GDA: variants seen among roughly 807,000 people sequenced by gnomAD.
GDA encodes guanine deaminase, also known as cytoplasmic PSD-95 interactor.
A neutral mutation model predicts 59.6 loss-of-function variants in GDA; 18 were observed. That is an observed-to-expected ratio of 0.30 (90% CI 0.21 to 0.45). The LOEUF (loss-of-function observed/expected upper bound fraction) is 0.45. GDA is among the 20% of genes least tolerant of loss of function. GDA has a pLI of 1.00. For synonymous variants in GDA, 201 were observed against 201.1 expected (o/e 1.00, Z 0.00); for missense variants, 427 against 552.3 (o/e 0.77, Z 2.27).
In GDA at chr9:72,200,084, G is replaced by A. The variant is rs552163723; in HGVS notation, c.213-2487G>A. 6.4e-5 allele frequency among the ~76,000 whole-genome samples: 9 copies of A among 140,438 alleles called. No individual in the cohort carries two copies. In the East Asian group the frequency reaches 1.1e-3, roughly 17 times the overall value. The allele number at this position is 140,438 out of a possible 152,430, so 92.1% of individuals were successfully genotyped here. On this transcript the variant is annotated intron_variant, in intron 2 of 13. Coordinates refer to ENST00000358399, the MANE Select transcript of GDA (RefSeq NM_004293.5). ...ATGATCTCTGCTCACCTCAAGCTCC[G>A]CCTCCCGTGTTCACGCCATTCTCCT...
chr9:72,193,075 T>C (rs1832746372), intron 1 of GDA, among the ~76,000 whole-genome samples: 1 of 152,244 alleles, frequency 6.6e-6, no homozygotes, highest in South Asian at 2.1e-4. Flanking sequence ...ACAAGTATTT[T>C]AAAGTCTCTT....
At chr9:72,220,578 A>G (rs530746639) in intron 6 of GDA, among the ~76,000 whole-genome samples, 67 of 152,226 alleles carry the variant, frequency 4.4e-4, no homozygotes, top group African/African-American at 1.6e-3. Context: ...GTCTCAGGGT[A>G]GGTTTTTCTT....
rs1834151230 is a variant in GDA, at chr9:72,202,691, A to G, written c.333A>G (p.Glu111=). ...EWLTKYTFPA[E]HRFQNIDFAE... is the part of the protein sequence containing the mutation. ...TGACCAAGTACACATTTCCTGCAGA[A>G]CACAGATTCCAGAACATCGACTTTG... Residue 111 remains glutamate (E), a synonymous_variant, in exon 3 of 14, where the codon GAA becomes GAG. Coordinates refer to ENST00000358399, the MANE Select transcript of GDA (RefSeq NM_004293.5). The G allele has an allele frequency of 1.9e-6, 3 of 1,613,928 alleles. No homozygotes were observed. The East Asian group carries it at 6.7e-5, about 36-fold the overall frequency.
At chr9:72,184,248 C>T (rs940247251) in intron 1 of GDA, among the ~76,000 whole-genome samples, 5 of 152,144 alleles carry the variant, frequency 3.3e-5, no homozygotes, top group South Asian at 2.1e-4. Context: ...TACTAGGGCT[C>T]ACTCTTGGAT....
intron 10 of GDA, among the ~76,000 whole-genome samples, chr9:72,234,219 G>T (rs1233074292): frequency 6.6e-6 from 1 of 152,072 alleles, no homozygotes. Flanking sequence ...AACTGATATT[G>T]GTAGAAATCA....
chr9:72,142,440 G>A (rs1826472622), intron 1 of GDA, among the ~76,000 whole-genome samples: 1 of 151,904 alleles, frequency 6.6e-6, no homozygotes, highest in Non-Finnish European at 1.5e-5. Flanking sequence ...AGGTGTGGTG[G>A]TGGGAACCTG....
intron 2 of GDA, among the ~76,000 whole-genome samples, chr9:72,197,892 A>C (rs1833392560): frequency 6.6e-6 from 1 of 152,096 alleles, no homozygotes; most frequent in Admixed American, 6.6e-5. Context: ...GATTTTTAGA[A>C]AAGGGAAATC....
downstream of GDA, among the ~76,000 whole-genome samples, chr9:72,252,826 C>G (rs1284620225): frequency 6.6e-6 from 1 of 152,062 alleles, no homozygotes; most frequent in East Asian, 1.9e-4. Context: ...ATTTCTAACT[C>G]TGTGATATGG....
In GDA at chr9:72,213,982, A is replaced by C. The variant is rs139088198; in HGVS notation, c.569A>C (p.Glu190Ala). ...GAGACCACTGAGGAATCGATCAAGGAAACTGAGAGGTAAAAGGCCCATTTG... is the reference window on the plus strand; with the variant it reads ...GAGACCACTGAGGAATCGATCAAGGCAACTGAGAGGTAAAAGGCCCATTTG... ...YKETTEESIK[E>A]TERFVSEMLQ... is the part of the protein sequence containing the mutation. Residue 190 changes from glutamate (E) to alanine (A), a missense_variant, in exon 5 of 14, where the codon GAA becomes GCA. Coordinates refer to ENST00000358399, the MANE Select transcript of GDA (RefSeq NM_004293.5). 7.7e-6 allele frequency: 12 copies of C among 1,562,000 alleles called. No homozygotes were observed. The African/African-American group carries it at 1.4e-4, about 18-fold the overall frequency.
rs141265590 is a variant in GDA at position 72,121,334 on chromosome 9, A to G, written c.-100+6501A>G. Among the ~76,000 whole-genome samples, 65 of 152,288 alleles carry G rather than the reference A, an allele frequency of 4.3e-4. 2 individuals carry two copies. The highest frequency in any genetic ancestry group is 1.4e-3 in the African/African-American group (58 of 41,564). On this transcript the variant is annotated intron_variant, in intron 1 of 13. Coordinates refer to the GDA transcript ENST00000545168. The stretch of plus-strand genomic sequence containing the variant: ...CTATCTTGGCTGGGCGCAGTGGCTC[A>G]CACCTGTAGTCCCAGCACTTTGGGA...
At chr9:72,226,941 C>T (rs1233799166) in intron 8 of GDA, among the ~76,000 whole-genome samples, 2 of 152,060 alleles carry the variant, frequency 1.3e-5, no homozygotes, top group Non-Finnish European at 2.9e-5. Context: ...CACGGTGAAA[C>T]CCCGTCTCTA....
intron 1 of GDA, among the ~76,000 whole-genome samples, chr9:72,164,981 C>A (rs1265836503): frequency 7.3e-5 from 10 of 136,230 alleles, no homozygotes; most frequent in African/African-American, 2.8e-4. Context: ...CAGAGCAAGA[C>A]TCCATCTCAA....
chr9:72,168,076 A>C (rs1225057281), intron 1 of GDA, among the ~76,000 whole-genome samples: 3 of 152,142 alleles, frequency 2.0e-5, no homozygotes, highest in Non-Finnish European at 4.4e-5. Flanking sequence ...GGAATGGCTA[A>C]ATAAGGAAAT....
At chr9:72,239,185 TA>T (rs1013439180) in intron 10 of GDA, among the ~76,000 whole-genome samples, 2 of 152,218 alleles carry the variant, frequency 1.3e-5, no homozygotes, top group Admixed American at 6.5e-5. Context: ...TGACTCTTAC[TA>T]AATACCATGA....
intron 1 of GDA, among the ~76,000 whole-genome samples, chr9:72,132,948 T>G (rs1203027038): frequency 6.6e-6 from 1 of 152,148 alleles, no homozygotes; most frequent in Admixed American, 6.6e-5. Flanking sequence ...GTATCCCCTG[T>G]GTAATAATCA....
At chr9:72,188,146 T>C (rs2131169244) in intron 1 of GDA, among the ~76,000 whole-genome samples, 1 of 152,306 alleles carries the variant, frequency 6.6e-6, no homozygotes, top group Non-Finnish European at 1.5e-5. Context: ...AGCCTGGCCA[T>C]GTAAACAACA....
intron 7 of GDA, 141 bp from the exon 8 acceptor site, chr9:72,225,536 G>A: frequency 3.4e-6 from 2 of 581,760 alleles, no homozygotes; most frequent in Non-Finnish European, 6.2e-6. Flanking sequence ...CTAACAAAAT[G>A]CATGTGTAAT....
intron 2 of GDA, among the ~76,000 whole-genome samples, chr9:72,197,866 A>G (rs79279909): frequency 1.6e-3 from 251 of 152,278 alleles, no homozygotes; most frequent in African/African-American, 4.9e-3. Flanking sequence ...CTACAGGTCT[A>G]TCTCAGTACT....
chr9:72,147,041 C>G (rs1451628652), upstream of GDA, among the ~76,000 whole-genome samples: 4 of 152,130 alleles, frequency 2.6e-5, no homozygotes, highest in African/African-American at 9.7e-5. Context: ...ATCCTATAAA[C>G]CACATAGTAA....
Sources: gnomAD v4.1 joint callset for allele counts (sites outside exome capture counted in the v4.1 genomes callset) on GRCh38, gnomAD v4.1.1 for gene constraint, MANE v1.5 for transcripts, NCBI Gene and HGNC (gene_info 2026-07-23, HGNC 2026-07-21) for gene names.